Variants in APOOL observed in about 807,000 individuals in gnomAD.
APOOL encodes the protein apolipoprotein O like, also known as MICOS complex subunit MIC27.
APOOL carries 12 observed loss-of-function variants against 23.1 expected under a neutral mutation model. The ratio of observed to expected loss-of-function variants is 0.52; its 90% CI spans 0.33 to 0.84. APOOL has a LOEUF of 0.84. APOOL is among the 40% of genes least tolerant of loss of function. The probability of loss-of-function intolerance (pLI) is 0.02; values close to 1 mark genes in which losing one functional copy is unlikely to be tolerated. For missense variants in APOOL, 212 were observed against 199.6 expected (o/e 1.06, Z -0.37); for synonymous variants, 77 against 69.9 (o/e 1.10, Z -0.51).
At chrX:85,032,971 G>C (rs1336873003) in intron 1 of APOOL, among the ~76,000 whole-genome samples, 1 of 112,078 alleles carries the variant, frequency 8.9e-6, no homozygotes, top group Non-Finnish European at 1.9e-5. Flanking sequence ...ATTGTAATAT[G>C]TTGTGTTTGT....
At chrX:85,073,739 A>C (rs1371470618) in intron 6 of APOOL, among the ~76,000 whole-genome samples, 1 of 111,019 alleles carries the variant, frequency 9.0e-6, no homozygotes, top group African/African-American at 3.3e-5. Flanking sequence ...AAGCTGAAAA[A>C]AATTAAAAAA....
At chrX:85,076,763 A>G (rs1923848864) in intron 8 of APOOL, among the ~76,000 whole-genome samples, 1 of 109,012 alleles carries the variant, frequency 9.2e-6, no homozygotes, top group East Asian at 2.9e-4. Context: ...GGCTCTGAAT[A>G]TGAGTTTGGT....
At chrX:85,040,969 T>A (rs964589957) in intron 1 of APOOL, among the ~76,000 whole-genome samples, 1 of 112,203 alleles carries the variant, frequency 8.9e-6, no homozygotes, top group Non-Finnish European at 1.9e-5. Context: ...CTTTTCCAGT[T>A]GCCCGAGTTC....
chrX:85,062,442 C>A (rs2040297679), intron 5 of APOOL, among the ~76,000 whole-genome samples: 1 of 111,291 alleles, frequency 9.0e-6, no homozygotes, highest in Non-Finnish European at 1.9e-5. Context: ...AAATCTTTGC[C>A]CATGCCTATG....
At chrX:85,026,924 C>T (rs1010252996) in intron 1 of APOOL, among the ~76,000 whole-genome samples, 2 of 111,894 alleles carry the variant, frequency 1.8e-5, no homozygotes, top group Admixed American at 9.6e-5. Flanking sequence ...TGTCCATTAC[C>T]CAGTTGCAGA....
intron 1 of APOOL, among the ~76,000 whole-genome samples, chrX:85,036,212 C>T (rs1179419532): frequency 8.9e-6 from 1 of 111,827 alleles, no homozygotes; most frequent in Non-Finnish European, 1.9e-5. Flanking sequence ...TAGCTGTATT[C>T]CCAGGTATTT....
chrX:85,035,428 T>G (rs1922181961), intron 1 of APOOL, among the ~76,000 whole-genome samples: 1 of 111,299 alleles, frequency 9.0e-6, no homozygotes, highest in African/African-American at 3.3e-5. Context: ...ATAGTTTCTT[T>G]TGCTGTGCAC....
chrX:85,065,471 G>A (rs975596021), intron 5 of APOOL, among the ~76,000 whole-genome samples: 1 of 111,817 alleles, frequency 8.9e-6, no homozygotes, highest in Non-Finnish European at 1.9e-5. Flanking sequence ...GCTTCATAGT[G>A]TCATTGGTCT....
At chrX:85,080,038 T>C (rs61391816) in intron 8 of APOOL, among the ~76,000 whole-genome samples, 1 of 111,732 alleles carries the variant, frequency 8.9e-6, no homozygotes, top group African/African-American at 3.3e-5. Context: ...TTTCAAATAA[T>C]CAGCTCCTGG....
rs1366341571 is a variant in APOOL, at chrX:85,090,522, ACTC to A, written c.*2847_*2849del. The stretch of plus-strand genomic sequence containing the variant: ...GCTCATCATTGCCTGCAGAATCAAA[ACTC>A]CTTAGTCTGATATACAAGGCCCTTC... On this transcript the variant is annotated 3_prime_UTR_variant, in exon 9 of 9. Transcript: ENST00000373173. 9.1e-6 allele frequency: 1 copy of A among 110,232 alleles called. No homozygotes were observed. Among genetic ancestry groups the A allele is most frequent in the Non-Finnish European group, 1.9e-5 (1 of 52,694 alleles). The allele number at this position is 110,232 out of a possible 1,213,427, so 9.1% of individuals were successfully genotyped here.
Position 85,088,075 on chromosome X carries a change from T to C in APOOL, c.*397T>C, listed in dbSNP as rs1235726472. The C allele has an allele frequency of 8.2e-5, 1 of 12,144 alleles. No homozygotes were observed. The highest frequency in any genetic ancestry group is 2.1e-4 in the African/African-American group (1 of 4,733). 1.0% of individuals were successfully genotyped at this position (12,144 alleles called of 1,213,427 possible). A position where few individuals can be genotyped will look rare whatever the true frequency, so the allele number is the denominator to read the frequency against. On this transcript the variant is annotated 3_prime_UTR_variant, in exon 9 of 9. Transcript: ENST00000373173. ...TTATACATATATGTATAAATACATA[T>C]ACATATATGTATAAATACATATACA...
chrX:85,004,061 A>G (rs775555929), intron 1 of APOOL, 134 bp downstream of exon 1: 8 of 819,107 alleles, frequency 9.8e-6, no homozygotes, highest in African/African-American at 2.0e-5. Flanking sequence ...GATAATTGCA[A>G]TCTTTATCGT....
At chrX:85,062,531 A>T (rs899293143) in intron 5 of APOOL, among the ~76,000 whole-genome samples, 5 of 111,719 alleles carry the variant, frequency 4.5e-5, no homozygotes, top group Non-Finnish European at 9.4e-5. Context: ...ATCCATCATG[A>T]GTTACTTTTT....
chrX:85,071,950 C>G (rs777355387), intron 6 of APOOL, among the ~76,000 whole-genome samples: 2 of 110,872 alleles, frequency 1.8e-5, no homozygotes, highest in Non-Finnish European at 3.8e-5. Flanking sequence ...AAAAATTAGC[C>G]GGGCATGGTG....
At chrX:85,006,115 A>G (rs1921072165) in intron 1 of APOOL, among the ~76,000 whole-genome samples, 1 of 111,938 alleles carries the variant, frequency 8.9e-6, no homozygotes, top group South Asian at 3.7e-4. Flanking sequence ...GGTTTAGAGA[A>G]GTCAGATTAT....
Position 85,051,374 on chromosome X carries a change from AT to A in APOOL, c.121-9del. 8.3e-7 allele frequency: 1 copy of A among 1,208,220 alleles called. No individual in the cohort carries two copies. Among genetic ancestry groups the A allele is most frequent in the South Asian group, 1.8e-5 (1 of 56,688 alleles). On this transcript the variant is annotated splice_polypyrimidine_tract_variant and intron_variant, in intron 2 of 8. Coordinates refer to ENST00000373173, the MANE Select transcript of APOOL (RefSeq NM_198450.6). The stretch of plus-strand genomic sequence containing the variant: ...GCTATTTTATGTTTTTGACATGAAC[AT>A]TTTTTGCCTGTAGCTCCCCATATAT...
intron 1 of APOOL, among the ~76,000 whole-genome samples, chrX:85,029,948 G>A (rs1346114502): frequency 8.9e-6 from 1 of 111,831 alleles, no homozygotes; most frequent in Non-Finnish European, 1.9e-5. Flanking sequence ...AAACAGTATG[G>A]GGATTCCTTA....
chrX:85,041,333 G>A (rs935203712), intron 1 of APOOL, among the ~76,000 whole-genome samples: 1 of 111,557 alleles, frequency 9.0e-6, no homozygotes, highest in Admixed American at 9.5e-5. Context: ...CCTGAGTGTA[G>A]TAGAGGTGGG....
Position 85,074,058 on chromosome X carries a change from T to C in APOOL, c.547T>C (p.Trp183Arg). 8 of 1,170,277 alleles carry C rather than the reference T, an allele frequency of 6.8e-6. No individual in the cohort carries two copies. The highest frequency in any genetic ancestry group is 8.0e-6 in the Non-Finnish European group (7 of 874,445). ...AATTTTTGGAGCAGTTAAATCATTG[T>C]GGACAAAAAGCAGCAAAGAAGAGTC... Reference protein sequence around the residue: ...QQIFGAVKSLWTKSSKEESLP... With the variant: ...QQIFGAVKSLRTKSSKEESLP... The change falls in exon 7 of 9, where the codon TGG (tryptophan) becomes CGG (arginine). Residue 183 changes from tryptophan (W) to arginine (R), a missense_variant. Physicochemically the swap from Trp to Arg is moderately radical, Grantham distance 101 (BLOSUM62 -3). Transcript: ENST00000373173.
Sources: allele counts gnomAD v4.1 joint callset (sites outside exome capture counted in the v4.1 genomes callset), GRCh38; gene constraint gnomAD v4.1.1; transcripts MANE v1.5; gene names NCBI Gene and HGNC (gene_info 2026-07-23, HGNC 2026-07-21).